PPL: variants seen among roughly 807,000 people sequenced by gnomAD.
PPL encodes the protein 190 kDa paraneoplastic pemphigus antigen.
In PPL, 198 loss-of-function variants were observed where a neutral mutation model predicts 194.4. The observed-to-expected ratio is 1.02, with a 90% CI of 0.91 to 1.15. The LOEUF is 1.15. Ranked by LOEUF, PPL falls within the 50% of genes most tolerant of loss-of-function variation. The probability of loss-of-function intolerance (pLI) is 0.00; values close to 1 mark genes in which losing one functional copy is unlikely to be tolerated. For missense variants in PPL, 2,885 were observed against 2,294.8 expected (o/e 1.26, Z -5.25); for synonymous variants, 1,220 against 972.4 (o/e 1.25, Z -4.74).
At chr16:4,894,653 CAGGGCCTG>C in intron 11 of PPL, 35 bp from the exon 12 acceptor site, 2 of 1,603,172 alleles carry the variant, frequency 1.2e-6, no homozygotes, top group East Asian at 4.5e-5. Context: ...AGGATCCCGG[CAGGGCCTG>C]AGGGCCTGGG....
At chr16:4,935,859 C>G (rs914017445) in intron 1 of PPL, among the ~76,000 whole-genome samples, 2 of 152,108 alleles carry the variant, frequency 1.3e-5, no homozygotes, top group Non-Finnish European at 2.9e-5. Context: ...AGTGGGGGCT[C>G]CCAGTGAGAG....
chr16:4,933,464 C>A (rs1293268857), intron 1 of PPL, among the ~76,000 whole-genome samples: 3 of 152,144 alleles, frequency 2.0e-5, no homozygotes, highest in African/African-American at 7.2e-5. Flanking sequence ...CAGAATTGAG[C>A]CTGACTGCAG....
chr16:4,889,239 T>TTGG (rs2088273167), intron 18 of PPL, among the ~76,000 whole-genome samples, 178 bp from the exon 19 acceptor site: 1 of 42,788 alleles, frequency 2.3e-5, no homozygotes, highest in African/African-American at 5.0e-5. Flanking sequence ...TTTGTTGTTG[T>TTGG]TGTTTTTTTT....
intron 14 of PPL, 123 bp downstream of exon 14, chr16:4,893,090 G>C: frequency 1.6e-6 from 2 of 1,274,508 alleles, no homozygotes; most frequent in Middle Eastern, 2.8e-4. Flanking sequence ...GCAGCAGGCT[G>C]TCCCTGACAG....
At chr16:4,901,647 C>G (rs1052486253) in intron 4 of PPL, among the ~76,000 whole-genome samples, 1 of 151,018 alleles carries the variant, frequency 6.6e-6, no homozygotes, top group African/African-American at 2.4e-5. Context: ...CGTGATCATG[C>G]CACTGCATTC....
At chr16:4,911,663 T>C (rs1472023143) in intron 1 of PPL, among the ~76,000 whole-genome samples, 1 of 152,058 alleles carries the variant, frequency 6.6e-6, no homozygotes, top group African/African-American at 2.4e-5. Context: ...GCCTCCCAAG[T>C]AGCTGGGACT....
At chr16:4,928,165 C>CA (rs1176974451) in intron 1 of PPL, among the ~76,000 whole-genome samples, 1 of 152,248 alleles carries the variant, frequency 6.6e-6, no homozygotes, top group Non-Finnish European at 1.5e-5. Flanking sequence ...TTTTTTGAGA[C>CA]AGAGTCTTGC....
intron 1 of PPL, among the ~76,000 whole-genome samples, chr16:4,911,413 T>C (rs12600174): frequency 0.87 from 132,903 of 152,096 alleles, 58,224 homozygotes; most frequent in East Asian, 0.94. Context: ...CCACCTATCT[T>C]GGCCTCCCAA....
chr16:4,895,429 G>A (rs1568005427), intron 10 of PPL, 22 bp from the exon 11 acceptor site: 3 of 1,609,898 alleles, frequency 1.9e-6, no homozygotes, highest in Non-Finnish European at 2.5e-6. Context: ...GGGGTCAGGG[G>A]CCCAGGTGAG....
Position 4,925,254 on chromosome 16 carries a change from G to A in PPL, c.62+11730C>T, listed in dbSNP as rs1233054892. Among the ~76,000 whole-genome samples, 5 of 152,200 alleles carry A rather than the reference G, an allele frequency of 3.3e-5. 1 individual carries two copies. The South Asian group carries it at 8.3e-4, about 25-fold the overall frequency. On this transcript the variant is annotated intron_variant, in intron 1 of 21. Transcript: ENST00000345988. Reference sequence around the variant, plus strand: ...GCCTGCCTGGAGGGCCAGCTTGGGGGAGGTGCACCTCCGGTGCCGAGTAGC... The same window carrying A: ...GCCTGCCTGGAGGGCCAGCTTGGGGAAGGTGCACCTCCGGTGCCGAGTAGC...
At position 4,900,787 on chromosome 16, in the gene PPL, C is replaced by G. The variant is rs778246076; in HGVS notation, c.606+43G>C. ...TCCCCCCGACTCCAAGCTTCCCATC[C>G]TCTCCTCTCCCCATGAGGCCTTTCC... On this transcript the variant is annotated intron_variant, in intron 6 of 21. Transcript: ENST00000345988. 5 of 1,613,336 alleles carry G rather than the reference C, an allele frequency of 3.1e-6. No individual in the cohort carries two copies. The Admixed American group carries it at 6.7e-5, about 22-fold the overall frequency.
At chr16:4,907,079 T>TAAAAAAAAAAAAAAAA (rs57847738) in intron 2 of PPL, among the ~76,000 whole-genome samples, 1 of 76,990 alleles carries the variant, frequency 1.3e-5, no homozygotes, top group Non-Finnish European at 2.3e-5. Flanking sequence ...ACCCTATCTC[T>TAAAAAAAAAAAAAAAA]AAAAAAAAAA....
intron 1 of PPL, among the ~76,000 whole-genome samples, chr16:4,914,879 G>C (rs1288940051): frequency 6.6e-6 from 1 of 152,308 alleles, no homozygotes; most frequent in Admixed American, 6.5e-5. Flanking sequence ...CCCACTTCCT[G>C]GTTGGGCAGG....
chr16:4,893,408 G>A lies in PPL; in HGVS notation c.1493-38C>T, dbSNP rs201445245. 9.9e-5 allele frequency: 158 copies of A among 1,597,802 alleles called. No individual in the cohort carries two copies. In the African/African-American group the frequency reaches 1.2e-3, roughly 13 times the overall value. ...GGAGGACACAGGCAGGTGTGACAAC[G>A]GGCCAGGGGTGTGAGGCCCAGGGAT... is the stretch of plus-strand genomic sequence containing the variant. On this transcript the variant is annotated intron_variant, in intron 13 of 21. Coordinates refer to ENST00000345988, the MANE Select transcript of PPL (RefSeq NM_002705.5).
Position 4,884,590 on chromosome 16 carries a change from C to T in PPL, c.4065G>A (p.Val1355=). Residue 1355 remains valine (V), a synonymous_variant, in exon 22 of 22, where the codon GTG becomes GTA. Transcript: ENST00000345988. The surrounding 1 kb of genome is among the most constrained non-coding windows in gnomAD (Gnocchi z 5.7). ...RVKERVVQQE[V]VRYEEEPGLR... ...GGCCTGGCTCCTCCTCATACCTGACCACCTCCTGCTGCACCACCCTTTCCT... is the reference window on the plus strand; with the variant it reads ...GGCCTGGCTCCTCCTCATACCTGACTACCTCCTGCTGCACCACCCTTTCCT... The T allele has an allele frequency of 1.9e-6, 3 of 1,614,120 alleles. No individual in the cohort carries two copies. The highest frequency in any genetic ancestry group is 2.5e-6 in the Non-Finnish European group (3 of 1,180,002).
intron 1 of PPL, among the ~76,000 whole-genome samples, chr16:4,926,740 G>A (rs549899715): frequency 1.3e-5 from 2 of 152,106 alleles, no homozygotes; most frequent in African/African-American, 4.8e-5. Context: ...ATAGCCGGGC[G>A]TGGTGGCAGG....
intron 1 of PPL, among the ~76,000 whole-genome samples, chr16:4,934,174 G>C (rs1031610678): frequency 6.6e-6 from 1 of 152,174 alleles, no homozygotes; most frequent in Non-Finnish European, 1.5e-5. Context: ...ATTAGCTCAG[G>C]TGTGAACATC....
At chr16:4,904,363 C>T (rs570205339) in intron 2 of PPL, among the ~76,000 whole-genome samples, 1 of 152,312 alleles carries the variant, frequency 6.6e-6, no homozygotes, top group Non-Finnish European at 1.5e-5. Flanking sequence ...ACATGGCCTC[C>T]CTGCCTGGCA....
Position 4,890,240 on chromosome 16 carries a change from C to G in PPL, c.2257G>C (p.Glu753Gln), listed in dbSNP as rs141378429. The G allele has an allele frequency of 3.0e-4, 483 of 1,614,142 alleles. 3 individuals are homozygous for G. In the East Asian group the frequency reaches 9.3e-3, roughly 31 times the overall value. The change falls in exon 18 of 22, where the codon GAG becomes CAG. Residue 753 changes from glutamate (E) to glutamine (Q), a missense_variant. By Grantham distance (29) the Glu-to-Gln change is conservative. Transcript: ENST00000345988. Reference sequence around the variant, plus strand: ...CTGAGGCTGTCTGTCTCCTGGGGCTCGTAACTGGGGATGCTGACTAGGAAC... The same window carrying G: ...CTGAGGCTGTCTGTCTCCTGGGGCTGGTAACTGGGGATGCTGACTAGGAAC... ...LQFLVSIPSYEPQETDSLSQM... is the reference protein window; with the variant it reads ...LQFLVSIPSYQPQETDSLSQM...
Sources: gnomAD v4.1 joint callset for allele counts (sites outside exome capture counted in the v4.1 genomes callset) on GRCh38, gnomAD v4.1.1 for gene constraint, Gnocchi (gnomAD v3.1) non-coding constraint, MANE v1.5 for transcripts, NCBI Gene and HGNC (gene_info 2026-07-23, HGNC 2026-07-21) for gene names.